Variants in CTTNBP2 observed in about 807,000 individuals in gnomAD.
CTTNBP2 encodes cortactin-binding protein 2.
In CTTNBP2, 108 loss-of-function variants were observed where a neutral mutation model predicts 156.9. The ratio of observed to expected loss-of-function variants is 0.69; its 90% CI spans 0.59 to 0.81. CTTNBP2 has a LOEUF of 0.81. Ranked by LOEUF, CTTNBP2 falls within the 30% of genes least tolerant of loss-of-function variation. The pLI, the probability that CTTNBP2 is intolerant of heterozygous loss-of-function variation, is 0.00. For synonymous variants in CTTNBP2, 767 were observed against 751.8 expected (o/e 1.02, Z -0.33); for missense variants, 1,924 against 2,035.4 (o/e 0.95, Z 1.05).
intron 4 of CTTNBP2, 137 bp downstream of exon 4, chr7:117,790,991 A>C: frequency 1.4e-6 from 1 of 703,288 alleles, no homozygotes; most frequent in Non-Finnish European, 2.3e-6. Context: ...AAAAAAAGAG[A>C]GAGAAAGAAA....
At chr7:117,873,162 C>T (rs546430873) in intron 1 of CTTNBP2, among the ~76,000 whole-genome samples, 173 bp downstream of exon 1, 97 of 152,222 alleles carry the variant, frequency 6.4e-4, no homozygotes, top group Admixed American at 1.6e-3. Flanking sequence ...CTCCCCCCCG[C>T]GGCCTCCGCC....
At chr7:117,768,266 G>A (rs1046384935) in intron 8 of CTTNBP2, among the ~76,000 whole-genome samples, 4 of 151,916 alleles carry the variant, frequency 2.6e-5, no homozygotes, top group Admixed American at 2.0e-4. Flanking sequence ...ATTTTTAAAA[G>A]AAATACCATA....
At chr7:117,726,486 C>T (rs1562954959) in intron 17 of CTTNBP2, among the ~76,000 whole-genome samples, 2 of 151,440 alleles carry the variant, frequency 1.3e-5, no homozygotes, top group Non-Finnish European at 1.5e-5. Flanking sequence ...AAGCTGTGGT[C>T]GGAAAAAAAA....
chr7:117,789,367 T>C (rs1472320602), intron 4 of CTTNBP2, among the ~76,000 whole-genome samples: 1 of 152,100 alleles, frequency 6.6e-6, no homozygotes, highest in Non-Finnish European at 1.5e-5. Context: ...CTAGGAAGTG[T>C]TTTCTACTTT....
At chr7:117,843,337 G>A (rs1365007535) in intron 2 of CTTNBP2, among the ~76,000 whole-genome samples, 1 of 152,176 alleles carries the variant, frequency 6.6e-6, no homozygotes, top group African/African-American at 2.4e-5. Flanking sequence ...ATGTAGTGGA[G>A]CTAAATAAAG....
At chr7:117,732,266 ATATTT>A (rs1392845042) in intron 16 of CTTNBP2, among the ~76,000 whole-genome samples, 3 of 152,202 alleles carry the variant, frequency 2.0e-5, no homozygotes, top group Non-Finnish European at 2.9e-5. Context: ...TTTTAGAATT[ATATTT>A]TATTTATAAA....
chr7:117,772,479 G>A (rs1797849322), intron 8 of CTTNBP2, among the ~76,000 whole-genome samples: 1 of 152,294 alleles, frequency 6.6e-6, no homozygotes, highest in Middle Eastern at 3.4e-3. Context: ...GGCCAAGAAT[G>A]TGCTAGAAGG....
At chr7:117,844,730 C>A (rs1802485182) in intron 2 of CTTNBP2, among the ~76,000 whole-genome samples, 1 of 152,066 alleles carries the variant, frequency 6.6e-6, no homozygotes, top group South Asian at 2.1e-4. Flanking sequence ...TGCACAATAA[C>A]CAGCTGGACT....
intron 3 of CTTNBP2, among the ~76,000 whole-genome samples, chr7:117,798,607 G>A (rs572905668): frequency 2.7e-4 from 41 of 152,196 alleles, no homozygotes; most frequent in South Asian, 2.3e-3. Flanking sequence ...AGCTAAGGCC[G>A]ATATGGCTTT....
chr7:117,864,800 T>TATATTCACATATATTCATTCTAC (rs1563077977), intron 1 of CTTNBP2, among the ~76,000 whole-genome samples: 1 of 141,754 alleles, frequency 7.1e-6, no homozygotes, highest in African/African-American at 2.7e-5. Context: ...ATTCATTCTA[T>TATATTCACATATATTCATTCTAC]ATTCATATAT....
chr7:117,813,839 T>A (rs1394420826), intron 2 of CTTNBP2, among the ~76,000 whole-genome samples: 1 of 152,204 alleles, frequency 6.6e-6, no homozygotes, highest in Non-Finnish European at 1.5e-5. Context: ...CTGATAGAAA[T>A]CTTTCTTTAA....
At chr7:117,824,827 A>G (rs1040837592) in intron 2 of CTTNBP2, among the ~76,000 whole-genome samples, 2 of 152,238 alleles carry the variant, frequency 1.3e-5, no homozygotes, top group Non-Finnish European at 2.9e-5. Flanking sequence ...GGTATCTAAA[A>G]ATGACACTCT....
intron 2 of CTTNBP2, among the ~76,000 whole-genome samples, chr7:117,816,581 T>A (rs1035325963): frequency 2.0e-5 from 3 of 152,158 alleles, no homozygotes; most frequent in African/African-American, 4.8e-5. Flanking sequence ...TTTAGCCTAA[T>A]TTGGATTCAA....
chr7:117,711,360 G>A lies in CTTNBP2; in HGVS notation c.*177C>T. ...CAATCCTACAGAATTAAAAAAAAAA[G>A]CAACAAAATGTTGGTTATAAATACA... On this transcript the variant is annotated 3_prime_UTR_variant, in exon 23 of 23. Transcript: ENST00000160373. The A allele has an allele frequency of 1.8e-5, 11 of 608,282 alleles. No homozygotes were observed. Among genetic ancestry groups the A allele is most frequent in the East Asian group, 9.7e-5 (3 of 30,924 alleles). The allele number at this position is 608,282 out of a possible 1,614,324, so 37.7% of individuals were successfully genotyped here. A position where few individuals can be genotyped will look rare whatever the true frequency, so the allele number is the denominator to read the frequency against.
chr7:117,873,183 C>T, intron 1 of CTTNBP2, 152 bp downstream of exon 1: 1 of 554,518 alleles, frequency 1.8e-6, no homozygotes, highest in Non-Finnish European at 2.7e-6. Flanking sequence ...GTGTGGGCAT[C>T]CCGAGGAAGG....
At chr7:117,846,455 A>G (rs1211040185) in intron 2 of CTTNBP2, among the ~76,000 whole-genome samples, 1 of 152,178 alleles carries the variant, frequency 6.6e-6, no homozygotes, top group Non-Finnish European at 1.5e-5. Context: ...AAAAGGAAGT[A>G]TAACTTTCTG....
chr7:117,797,701 C>T (rs947337759), intron 3 of CTTNBP2, among the ~76,000 whole-genome samples: 1 of 151,728 alleles, frequency 6.6e-6, no homozygotes, highest in African/African-American at 2.4e-5. Flanking sequence ...TTTGAGAGAG[C>T]AGAAGAAAAA....
chr7:117,717,738 T>TAAAATGAAAAAAAA (rs1794510965), intron 22 of CTTNBP2, among the ~76,000 whole-genome samples: 1 of 139,012 alleles, frequency 7.2e-6, no homozygotes, highest in Non-Finnish European at 1.5e-5. Flanking sequence ...TTTTGTCATA[T>TAAAATGAAAAAAAA]AAAATGAAAA....
Position 117,725,172 on chromosome 7 carries a change from C to T in CTTNBP2, c.4141G>A (p.Gly1381Ser), listed in dbSNP as rs753907443. The change falls in exon 18 of 23, where the codon GGC becomes AGC. Residue 1381 changes from glycine (G) to serine (S), a missense_variant. Physicochemically the swap from Gly to Ser is moderately conservative, Grantham distance 56. Transcript: ENST00000160373. Reference sequence around the variant, plus strand: ...CTTTTAGCAGTTGTCTGCCCAAAGCCAGGTTGTCTTTTCACAGAGGCTCTT... The same window carrying T: ...CTTTTAGCAGTTGTCTGCCCAAAGCTAGGTTGTCTTTTCACAGAGGCTCTT... ...LSRASVKRQP[G>S]FGQTTAKRHP... 48 of 1,613,822 alleles carry T rather than the reference C, an allele frequency of 3.0e-5. No individual in the cohort carries two copies. The highest frequency in any genetic ancestry group is 4.1e-5 in the Non-Finnish European group (48 of 1,180,032).
Sources: allele counts gnomAD v4.1 joint callset (sites outside exome capture counted in the v4.1 genomes callset), GRCh38; gene constraint gnomAD v4.1.1; transcripts MANE v1.5; gene names NCBI Gene and HGNC (gene_info 2026-07-23, HGNC 2026-07-21).